The following PLA2G3 variants were observed in gnomAD, a reference collection of about 807,000 sequenced individuals.
The protein encoded by PLA2G3 is group 3 secretory phospholipase A2.
Under a neutral mutation model 51.3 loss-of-function variants are expected in PLA2G3, and 39 were observed. The ratio of observed to expected loss-of-function variants is 0.76; its 90% CI spans 0.59 to 0.99. The LOEUF (loss-of-function observed/expected upper bound fraction) is 0.99, where lower values mean the gene tolerates loss of function less well. PLA2G3 is among the 50% of genes least tolerant of loss of function. The pLI, the probability that PLA2G3 is intolerant of heterozygous loss-of-function variation, is 0.00. For synonymous variants in PLA2G3, 293 were observed against 263.1 expected (o/e 1.11, Z -1.10); for missense variants, 677 against 662.1 (o/e 1.02, Z -0.25).
chr22:31,137,723 G>T lies in PLA2G3; in HGVS notation c.1053C>A (p.Gly351=). 1 of 1,605,754 alleles carries T rather than the reference G, an allele frequency of 6.2e-7. No homozygotes were observed. Among genetic ancestry groups the T allele is most frequent in the Non-Finnish European group, 8.5e-7 (1 of 1,177,588 alleles). The change falls in exon 4 of 7, where the codon GGC becomes GGA. Residue 351 remains glycine, a synonymous_variant. Coordinates refer to ENST00000215885, the MANE Select transcript of PLA2G3 (RefSeq NM_015715.5). ...TTCTGAGCTCACCCTGAGGTTTTAGGCCACCCTGTGGGCCCTGGAGGCCTG... is the reference window on the plus strand; with the variant it reads ...TTCTGAGCTCACCCTGAGGTTTTAGTCCACCCTGTGGGCCCTGGAGGCCTG... ...APTGLQGPQG[G]LKPQGARWVC... is the part of the protein sequence containing the mutation.
rs1367256603 is a variant in PLA2G3 at position 31,135,992 on chromosome 22, C to T, written c.1317-56G>A. The T allele has an allele frequency of 2.1e-6, 3 of 1,441,332 alleles. No individual in the cohort carries two copies. In the East Asian group the frequency reaches 6.9e-5, roughly 33 times the overall value. The allele number at this position is 1,441,332 out of a possible 1,614,324, so 89.3% of individuals were successfully genotyped here. On this transcript the variant is annotated intron_variant, in intron 6 of 6. Coordinates refer to ENST00000215885, the MANE Select transcript of PLA2G3 (RefSeq NM_015715.5). Reference sequence around the variant, plus strand: ...CAGGGCTGACAAGGATCCCACCTTACTCTGCAGACAGTGGGCTGAGGCCCA... The same window carrying T: ...CAGGGCTGACAAGGATCCCACCTTATTCTGCAGACAGTGGGCTGAGGCCCA...
chr22:31,140,346 A>T lies in PLA2G3; in HGVS notation c.9T>A (p.Val3=), dbSNP rs1318092444. 3 of 1,596,640 alleles carry T rather than the reference A, an allele frequency of 1.9e-6. No homozygotes were observed. In the South Asian group the frequency reaches 3.4e-5, roughly 18 times the overall value. The change falls in exon 1 of 7, where the codon GTT becomes GTA. Residue 3 remains valine (V), a synonymous_variant. Coordinates refer to ENST00000215885, the MANE Select transcript of PLA2G3 (RefSeq NM_015715.5). ...CCAGCATCCCAAACAGCCCTGCCTGAACCCCCATTCTGCACTGGCCCAGTC... is the reference window on the plus strand; with the variant it reads ...CCAGCATCCCAAACAGCCCTGCCTGTACCCCCATTCTGCACTGGCCCAGTC... The part of the protein sequence containing the change: MG[V]QAGLFGMLGF...
Position 31,137,768 on chromosome 22 carries a change from G to C in PLA2G3, c.1008C>G (p.Pro336=), listed in dbSNP as rs1476362399. 1 of 1,613,884 alleles carries C rather than the reference G, an allele frequency of 6.2e-7. No individual in the cohort carries two copies. The highest frequency in any genetic ancestry group is 8.5e-7 in the Non-Finnish European group (1 of 1,179,972). The part of the protein sequence containing the change: ...TTALQDPMVS[P]RLDVAPTGLQ... ...GGCCTGTGGGGGCCACATCAAGCCT[G>C]GGAGAGACCATAGGGTCCTGGAGGG... The change falls in exon 4 of 7, where the codon CCC becomes CCG. Residue 336 remains proline, a synonymous_variant. Transcript: ENST00000215885.
At chr22:31,136,604 G>A in intron 6 of PLA2G3, 79 bp downstream of exon 6, 3 of 1,109,198 alleles carry the variant, frequency 2.7e-6, no homozygotes, top group East Asian at 4.7e-5. Context: ...CTACCCCTTG[G>A]CCCAAGCATT....
chr22:31,136,512 A>G (rs1001645001), intron 6 of PLA2G3, among the ~76,000 whole-genome samples, 171 bp downstream of exon 6: 3 of 152,214 alleles, frequency 2.0e-5, no homozygotes, highest in Non-Finnish European at 4.4e-5. Context: ...ATAGAGGCCA[A>G]CTGCAGAGCT....
Position 31,140,338 on chromosome 22 carries a change from C to T in PLA2G3, c.17G>A (p.Gly6Glu). The T allele has an allele frequency of 6.2e-7, 1 of 1,600,080 alleles. No individual in the cohort carries two copies. The highest frequency in any genetic ancestry group is 8.5e-7 in the Non-Finnish European group (1 of 1,176,662). ...CAGGAAGCCCAGCATCCCAAACAGC[C>T]CTGCCTGAACCCCCATTCTGCACTG... MGVQA[G>E]LFGMLGFLGV... is the part of the protein sequence containing the mutation. The change falls in exon 1 of 7, where the codon GGG becomes GAG. Residue 6 changes from glycine to glutamate, a missense_variant. Gly to Glu is a moderately conservative substitution (Grantham distance 98, BLOSUM62 -2). Transcript: ENST00000215885.
Position 31,136,967 on chromosome 22 carries a change from G to A in PLA2G3, c.1140C>T (p.Ile380=), listed in dbSNP as rs369344573. The change falls in exon 5 of 7, where the codon ATC becomes ATT. Residue 380 remains isoleucine, a synonymous_variant. Transcript: ENST00000215885. ...QCEHQIGPRE[I]EFQLLNSAQE... ...GGGCGCTGTTGAGCAGCTGGAACTC[G>A]ATTTCCCGGGGCCCAATCTGGTGCT... 1.8e-5 allele frequency: 29 copies of A among 1,584,556 alleles called. No individual in the cohort carries two copies. In the African/African-American group the frequency reaches 2.7e-4, roughly 15 times the overall value.
At chr22:31,135,969 G>A in intron 6 of PLA2G3, 33 bp from the exon 7 acceptor site, 1 of 1,558,472 alleles carries the variant, frequency 6.4e-7, no homozygotes, top group Non-Finnish European at 8.8e-7. Context: ...CAGATGATCA[G>A]GGCTGACAAG....
Position 31,135,898 on chromosome 22 carries a change from C to T in PLA2G3, c.1355G>A (p.Arg452Gln), listed in dbSNP as rs146277358. Reference sequence around the variant, plus strand: ...CCTCTGCTGAAGCCTCCGCAAGTGCCGGGCTGACACCCTGATGGCCCTAGG... The same window carrying T: ...CCTCTGCTGAAGCCTCCGCAAGTGCTGGGCTGACACCCTGATGGCCCTAGG... ...RDPRAIRVSA[R>Q]HLRRLQQRRH... The change falls in exon 7 of 7, where the codon CGG becomes CAG. Residue 452 changes from arginine to glutamine, a missense_variant. Coordinates refer to ENST00000215885, the MANE Select transcript of PLA2G3 (RefSeq NM_015715.5). The T allele has an allele frequency of 2.7e-5, 44 of 1,613,640 alleles. No individual in the cohort carries two copies. In the African/African-American group the frequency reaches 3.5e-4, roughly 13 times the overall value.
At chr22:31,137,355 G>A (rs1246088911) in intron 4 of PLA2G3, among the ~76,000 whole-genome samples, 1 of 152,226 alleles carries the variant, frequency 6.6e-6, no homozygotes, top group Non-Finnish European at 1.5e-5. Flanking sequence ...GGAACAGCAT[G>A]TGCAAAGGCC....
At position 31,138,281 on chromosome 22, in the gene PLA2G3, C is replaced by A; in HGVS notation, c.777G>T (p.Trp259Cys). The A allele has an allele frequency of 6.2e-7, 1 of 1,613,662 alleles. No homozygotes were observed. Among genetic ancestry groups the A allele is most frequent in the Non-Finnish European group, 8.5e-7 (1 of 1,179,904 alleles). ...ATGAGGGGGTGGCCACGTACCCGCC[C>A]CACCAGTACCACGCCACACACGCCT... is the stretch of plus-strand genomic sequence containing the variant. ...EQEACVAWYWWGGCRMYGTVP... is the reference protein window; with the variant it reads ...EQEACVAWYWCGGCRMYGTVP... The change falls in exon 3 of 7, where the codon TGG (tryptophan) becomes TGT (cysteine). Residue 259 changes from tryptophan to cysteine, a missense_variant. Trp to Cys is a radical substitution (Grantham distance 215). Coordinates refer to ENST00000215885, the MANE Select transcript of PLA2G3 (RefSeq NM_015715.5).
At position 31,138,670 on chromosome 22, in the gene PLA2G3, G is replaced by A. The variant is rs759428843; in HGVS notation, c.644C>T (p.Thr215Ile). 2 of 1,614,102 alleles carry A rather than the reference G, an allele frequency of 1.2e-6. No individual in the cohort carries two copies. The highest frequency in any genetic ancestry group is 1.7e-6 in the Non-Finnish European group (2 of 1,179,998). The change falls in exon 2 of 7, where the codon ACC (threonine) becomes ATC (isoleucine). Residue 215 changes from threonine (T) to isoleucine (I), a missense_variant. Thr to Ile is a moderately conservative substitution (Grantham distance 89). Transcript: ENST00000215885. ...GCCCTCGCTGCCTGCCACCAACCTG[G>A]TGTCACAGTCACAGTGGGAGATGGT... ...FHTISHCDCD[T>I]RFQQCLQNQH...
In PLA2G3 at chr22:31,138,398, G is replaced by T; in HGVS notation, c.660C>A (p.Cys220Ter). The T allele has an allele frequency of 2.5e-6, 4 of 1,613,884 alleles. No homozygotes were observed. The highest frequency in any genetic ancestry group is 3.4e-6 in the Non-Finnish European group (4 of 1,179,948). The change falls in exon 3 of 7, where the codon TGC (cysteine) becomes TGA (stop). Residue 220 changes from cysteine to a stop codon, truncating the protein, a stop_gained. Coordinates refer to ENST00000215885, the MANE Select transcript of PLA2G3 (RefSeq NM_015715.5). LOFTEE classifies it high-confidence loss of function. ...AGATGGAGTCGTGCTGATTCTGTAGGCATTGCTGAAACCTGCCCCAGAACA... is the reference window on the plus strand; with the variant it reads ...AGATGGAGTCGTGCTGATTCTGTAGTCATTGCTGAAACCTGCCCCAGAACA... ...HCDCDTRFQQ[C>*]LQNQHDSISD...
Position 31,137,699 on chromosome 22 carries a change from T to C in PLA2G3, c.1066+11A>G. The C allele has an allele frequency of 6.3e-7, 1 of 1,589,968 alleles. No homozygotes were observed. Among genetic ancestry groups the C allele is most frequent in the Non-Finnish European group, 8.5e-7 (1 of 1,171,652 alleles). The stretch of plus-strand genomic sequence containing the variant: ...ATGTCAGGAACCCCCAAGGTTAGGT[T>C]CTGAGCTCACCCTGAGGTTTTAGGC... On this transcript the variant is annotated intron_variant, in intron 4 of 6. Coordinates refer to ENST00000215885, the MANE Select transcript of PLA2G3 (RefSeq NM_015715.5).
chr22:31,137,810 G>T lies in PLA2G3; in HGVS notation c.966C>A (p.Ser322Arg), dbSNP rs2072193. 6.2e-7 allele frequency: 1 copy of T among 1,613,984 alleles called. No individual in the cohort carries two copies. The highest frequency in any genetic ancestry group is 8.5e-7 in the Non-Finnish European group (1 of 1,179,980). The change falls in exon 4 of 7, where the codon AGC (serine) becomes AGA (arginine). Residue 322 changes from serine to arginine, a missense_variant. Coordinates refer to ENST00000215885, the MANE Select transcript of PLA2G3 (RefSeq NM_015715.5). ...CCTGGAGGGCTGTGGTGTTGGCTTT[G>T]CTGGGGCGCTTGGACCCTTTCTGAT... Reference protein sequence around the residue: ...PPHQKGSKRPSKANTTALQDP... With the variant: ...PPHQKGSKRPRKANTTALQDP...
chr22:31,137,094 C>G, intron 4 of PLA2G3, 54 bp from the exon 5 acceptor site: 1 of 1,455,186 alleles, frequency 6.9e-7, no homozygotes. Context: ...GAGGCCCCAC[C>G]AATGCCTGCG....
intron 6 of PLA2G3, among the ~76,000 whole-genome samples, chr22:31,136,482 A>G (rs1036145719): frequency 6.6e-6 from 1 of 152,174 alleles, no homozygotes; most frequent in Non-Finnish European, 1.5e-5. Flanking sequence ...GAATCAAATG[A>G]CAAAGCCAAG....
rs555113817 is a variant in PLA2G3, at chr22:31,136,584, A to G, written c.1316+99T>C. On this transcript the variant is annotated intron_variant, in intron 6 of 6. Transcript: ENST00000215885. ...TGGATAGGAGCTCAGAGGTCTCCGG[A>G]TCCCTTCCCCTACCCCTTGGCCCAA... is the stretch of plus-strand genomic sequence containing the variant. 5.8e-3 allele frequency: 5,366 copies of G among 929,576 alleles called. 27 individuals carry two copies. The highest frequency in any genetic ancestry group is 7.7e-3 in the Non-Finnish European group (4,499 of 581,306). The allele number at this position is 929,576 out of a possible 1,614,324, so 57.6% of individuals were successfully genotyped here. A position where few individuals can be genotyped will look rare whatever the true frequency, so the allele number is the denominator to read the frequency against.
intron 4 of PLA2G3, among the ~76,000 whole-genome samples, 155 bp downstream of exon 4, chr22:31,137,555 T>A (rs943873007): frequency 6.6e-6 from 1 of 152,184 alleles, no homozygotes; most frequent in Non-Finnish European, 1.5e-5. Context: ...TCGTGGATTA[T>A]GAAAATCCTG....
Sources: gnomAD v4.1 joint callset for allele counts (sites outside exome capture counted in the v4.1 genomes callset) on GRCh38, gnomAD v4.1.1 for gene constraint, MANE v1.5 for transcripts, NCBI Gene and HGNC (gene_info 2026-07-23, HGNC 2026-07-21) for gene names.